PCDHGB1: variants seen among roughly 807,000 people sequenced by gnomAD.
The protein encoded by PCDHGB1 is protocadherin gamma-B1.
In PCDHGB1, 34 loss-of-function variants were observed where a neutral mutation model predicts 56.6. That is an observed-to-expected ratio of 0.60 (90% CI 0.46 to 0.80). The LOEUF (loss-of-function observed/expected upper bound fraction) is 0.80. Among genes scored for constraint, PCDHGB1 ranks in the 30% least tolerant of loss-of-function variants. The pLI is 0.00. For synonymous variants in PCDHGB1, 561 were observed against 505.9 expected (o/e 1.11, Z -1.46); for missense variants, 1,278 against 1,204.6 (o/e 1.06, Z -0.90).
intron 2 of PCDHGB1, among the ~76,000 whole-genome samples, chr5:141,495,262 A>G (rs550950979): frequency 1.3e-5 from 2 of 152,246 alleles, no homozygotes; most frequent in South Asian, 2.1e-4. Flanking sequence ...GCAGAAAAGC[A>G]TTTGACCGGA....
intron 1 of PCDHGB1, chr5:141,410,663 T>C (rs2095415377): frequency 6.4e-7 from 1 of 1,570,102 alleles, no homozygotes; most frequent in Non-Finnish European, 8.6e-7. Flanking sequence ...AATAGTCTAC[T>C]AGTTTCTCAT....
chr5:141,372,910 A>AT, intron 1 of PCDHGB1: 1 of 1,053,676 alleles, frequency 9.5e-7, no homozygotes, highest in East Asian at 2.6e-5. Flanking sequence ...TGATTACATT[A>AT]TTTTATTGAT....
intron 1 of PCDHGB1, chr5:141,374,689 G>A (rs1337417637): frequency 1.2e-6 from 2 of 1,609,578 alleles, no homozygotes; most frequent in East Asian, 2.2e-5. Context: ...CACTGGACCG[G>A]GAAGGAGAAG....
At chr5:141,364,421 A>AT in intron 1 of PCDHGB1, 1 of 1,613,602 alleles carries the variant, frequency 6.2e-7, no homozygotes, top group South Asian at 1.1e-5. Context: ...ATCCGGGCAG[A>AT]TCCGCTACTC....
chr5:141,382,792 T>C (rs993602404), intron 1 of PCDHGB1: 3 of 949,494 alleles, frequency 3.2e-6, no homozygotes, highest in Middle Eastern at 2.2e-4. Flanking sequence ...GCCTCTATCC[T>C]GCTGGATTCT....
In PCDHGB1 at chr5:141,494,748, C is replaced by T. The variant is rs566281527; in HGVS notation, c.2410-59C>T. On this transcript the variant is annotated intron_variant, in intron 1 of 3. Coordinates refer to ENST00000523390, the MANE Select transcript of PCDHGB1 (RefSeq NM_018922.3). ...CTCTCCCGGCCCATCCCTAGGGGCTCGGGTGACATTCTAACTTCTCACGGG... is the reference window on the plus strand; with the variant it reads ...CTCTCCCGGCCCATCCCTAGGGGCTTGGGTGACATTCTAACTTCTCACGGG... 1.4e-5 allele frequency: 22 copies of T among 1,613,104 alleles called. No individual in the cohort carries two copies. The East Asian group carries it at 4.2e-4, about 31-fold the overall frequency.
intron 1 of PCDHGB1, chr5:141,388,173 G>A (rs2091270272): frequency 1.3e-6 from 2 of 1,502,222 alleles, no homozygotes; most frequent in South Asian, 2.3e-5. Flanking sequence ...GGAGATATGC[G>A]GGAAGAAGCC....
chr5:141,382,964 C>T (rs373652237), intron 1 of PCDHGB1: 3 of 1,608,120 alleles, frequency 1.9e-6, no homozygotes, highest in Non-Finnish European at 8.5e-7. Context: ...CTCCTGGGGA[C>T]CCCCTGGGAA....
chr5:141,510,894 A>G, intron 3 of PCDHGB1, 53 bp from the exon 4 acceptor site: 2 of 1,612,850 alleles, frequency 1.2e-6, no homozygotes, highest in Non-Finnish European at 8.5e-7. Flanking sequence ...TAAGACAGTG[A>G]CTGTTGAGGA....
intron 1 of PCDHGB1, among the ~76,000 whole-genome samples, chr5:141,363,780 TTTATC>T (rs1312673408): frequency 6.6e-6 from 1 of 152,228 alleles, no homozygotes; most frequent in Non-Finnish European, 1.5e-5. Flanking sequence ...TTTTCCTAAA[TTTATC>T]CTAATAAGGA....
In PCDHGB1 at chr5:141,433,358, C is replaced by CCTATCTATCTATCTAT. The variant is rs3074541; in HGVS notation, c.2410-61416_2410-61401dup. ...ACAGGTGCAAGCCACCTACTGTCTG[C>CCTATCTATCTATCTAT]CTATCTATCTATCTATCTATCTATC... On this transcript the variant is annotated intron_variant, in intron 1 of 3. Coordinates refer to ENST00000523390, the MANE Select transcript of PCDHGB1 (RefSeq NM_018922.3). 1.1e-3 allele frequency: 566 copies of CCTATCTATCTATCTAT among 504,038 alleles called. 2 individuals carry two copies. The highest frequency in any genetic ancestry group is 1.7e-3 in the East Asian group (49 of 28,778). The allele number at this position is 504,038 out of a possible 1,614,324, so 31.2% of individuals were successfully genotyped here.
At chr5:141,355,760 A>G in intron 1 of PCDHGB1, 1 of 1,613,936 alleles carries the variant, frequency 6.2e-7, no homozygotes, top group Non-Finnish European at 8.5e-7. Flanking sequence ...AGTGGGGCCG[A>G]TGGGATTAAG....
intron 1 of PCDHGB1, chr5:141,415,489 C>G: frequency 6.2e-7 from 1 of 1,614,220 alleles, no homozygotes; most frequent in Non-Finnish European, 8.5e-7. Flanking sequence ...AAAGAGTCAC[C>G]TGATCTTCCC....
At chr5:141,366,052 C>G in intron 1 of PCDHGB1, 4 of 1,614,248 alleles carry the variant, frequency 2.5e-6, no homozygotes, top group Non-Finnish European at 3.4e-6. Flanking sequence ...GTTCCACGGG[C>G]GTGGAGCTGG....
chr5:141,388,941 C>T (rs191165529), intron 1 of PCDHGB1: 9 of 1,613,962 alleles, frequency 5.6e-6, no homozygotes, highest in Admixed American at 5.0e-5. Context: ...TCTACCCAAC[C>T]TAATTATGGA....
Position 141,432,136 on chromosome 5 carries a change from T to C in PCDHGB1, c.2410-62671T>C, listed in dbSNP as rs766026174. 2 of 1,613,960 alleles carry C rather than the reference T, an allele frequency of 1.2e-6. No individual in the cohort carries two copies. The highest frequency in any genetic ancestry group is 1.7e-5 in the Admixed American group (1 of 59,996). On this transcript the variant is annotated intron_variant, in intron 1 of 3. Transcript: ENST00000523390. The surrounding 1 kb of genome is among the most constrained non-coding windows in gnomAD (Gnocchi z 6.0). ...TCTTCCCTCAGGCCTCCTATTCCGC[T>C]TATATCCCAGAGAACAATCCCAGAG...
rs778209794 is a variant in PCDHGB1 at position 141,408,298 on chromosome 5, G to C, written c.2409+55629G>C. The C allele has an allele frequency of 4.3e-6, 7 of 1,613,586 alleles. No homozygotes were observed. The Admixed American group carries it at 5.0e-5, about 12-fold the overall frequency. ...TGTTCTACCCCACCCTGAGTGAGCCGATCCGCTACTCGATTCCGGAGGAGC... is the reference window on the plus strand; with the variant it reads ...TGTTCTACCCCACCCTGAGTGAGCCCATCCGCTACTCGATTCCGGAGGAGC... On this transcript the variant is annotated intron_variant, in intron 1 of 3. Coordinates refer to ENST00000523390, the MANE Select transcript of PCDHGB1 (RefSeq NM_018922.3).
chr5:141,399,612 G>A (rs1191904235), intron 1 of PCDHGB1: 1 of 1,613,812 alleles, frequency 6.2e-7, no homozygotes, highest in African/African-American at 1.3e-5. Flanking sequence ...TAGAGCCTCT[G>A]GCACTGGCCT....
chr5:141,444,035 T>C (rs928920813), intron 1 of PCDHGB1, among the ~76,000 whole-genome samples: 1 of 151,694 alleles, frequency 6.6e-6, no homozygotes, highest in Non-Finnish European at 1.5e-5. Context: ...ATTCAGTAAA[T>C]CAGATAATTT....
Sources: allele counts gnomAD v4.1 joint callset (sites outside exome capture counted in the v4.1 genomes callset), GRCh38; gene constraint gnomAD v4.1.1; non-coding constraint Gnocchi (gnomAD v3.1); transcripts MANE v1.5; gene names NCBI Gene and HGNC (gene_info 2026-07-23, HGNC 2026-07-21).